CA10: variants seen among roughly 807,000 people sequenced by gnomAD.
CA10 encodes carbonic anhydrase 10 (inactive).
Under a neutral mutation model 44.2 loss-of-function variants are expected in CA10, and 14 were observed. The observed-to-expected ratio is 0.32, with a 90% confidence interval of 0.21 to 0.50. The LOEUF (loss-of-function observed/expected upper bound fraction) is 0.50, where lower values mean the gene tolerates loss of function less well. Among genes scored for constraint, CA10 ranks in the 20% least tolerant of loss-of-function variants. The pLI is 0.99. For synonymous variants in CA10, 159 were observed against 141.6 expected (o/e 1.12, Z -0.87); for missense variants, 350 against 409.7 (o/e 0.85, Z 1.26).
intron 3 of CA10, among the ~76,000 whole-genome samples, chr17:51,860,653 C>T (rs1484185986): frequency 6.6e-6 from 1 of 152,122 alleles, no homozygotes; most frequent in Non-Finnish European, 1.5e-5. Flanking sequence ...CAGAAACAGA[C>T]TTCTAATGAT....
At chr17:51,766,602 G>A (rs987010722) in intron 3 of CA10, among the ~76,000 whole-genome samples, 10 of 152,116 alleles carry the variant, frequency 6.6e-5, no homozygotes, top group African/African-American at 2.4e-4. Context: ...TATTTGCAGG[G>A]AAGTGGGGAG....
chr17:51,878,842 A>G (rs1433012442), intron 3 of CA10, among the ~76,000 whole-genome samples: 1 of 5,864 alleles, frequency 1.7e-4, no homozygotes, highest in African/African-American at 1.2e-3. Flanking sequence ...ATATATATAT[A>G]TATATATATA....
chr17:52,077,244 G>A (rs780316003), intron 1 of CA10, among the ~76,000 whole-genome samples: 23 of 152,174 alleles, frequency 1.5e-4, no homozygotes, highest in Non-Finnish European at 1.6e-4. Context: ...CATCGTTGGG[G>A]ATGAAGAAAG....
At chr17:51,752,875 C>T (rs368245464) in intron 3 of CA10, among the ~76,000 whole-genome samples, 69 of 152,048 alleles carry the variant, frequency 4.5e-4, no homozygotes, top group Middle Eastern at 3.4e-3. Context: ...GCTGAGATCG[C>T]GCCACTGCAC....
chr17:51,872,010 T>C (rs9894061), intron 3 of CA10, among the ~76,000 whole-genome samples: 3,535 of 152,312 alleles, frequency 0.023, 59 homozygotes, highest in Middle Eastern at 0.048. Flanking sequence ...CAGTGTCCTG[T>C]ACAAGATGGC....
At chr17:51,852,103 AC>A (rs771060561) in intron 3 of CA10, among the ~76,000 whole-genome samples, 3 of 152,162 alleles carry the variant, frequency 2.0e-5, no homozygotes, top group Non-Finnish European at 4.4e-5. Flanking sequence ...TCCACCCAGG[AC>A]CCAGCCAGCA....
chr17:51,976,348 T>C (rs1437229887), intron 2 of CA10, among the ~76,000 whole-genome samples: 8 of 152,180 alleles, frequency 5.3e-5, no homozygotes, highest in Non-Finnish European at 8.8e-5. Flanking sequence ...ATACATATTC[T>C]TTTCAAGATA....
At position 52,146,650 on chromosome 17, in the gene CA10, G is replaced by A. The variant is rs902997210; in HGVS notation, c.61+11076C>T. 2.0e-5 allele frequency among the ~76,000 whole-genome samples: 3 copies of A among 151,714 alleles called. 1 individual carries two copies. The highest frequency in any genetic ancestry group is 4.4e-5 in the Non-Finnish European group (3 of 67,976). Reference sequence around the variant, plus strand: ...GCTTGCAGTGAGCCGAGATCCCACCGACAGAGCGAGACTCCGTCTCAAAAT... The same window carrying A: ...GCTTGCAGTGAGCCGAGATCCCACCAACAGAGCGAGACTCCGTCTCAAAAT... On this transcript the variant is annotated intron_variant, in intron 1 of 8. Transcript: ENST00000451037.
chr17:51,850,850 A>G (rs1978762272), intron 3 of CA10, among the ~76,000 whole-genome samples: 2 of 152,192 alleles, frequency 1.3e-5, no homozygotes, highest in South Asian at 4.1e-4. Flanking sequence ...TGCAGTGATG[A>G]CAGGAATGAA....
At chr17:51,683,236 C>T (rs1914902820) in intron 4 of CA10, among the ~76,000 whole-genome samples, 1 of 152,196 alleles carries the variant, frequency 6.6e-6, no homozygotes, top group Non-Finnish European at 1.5e-5. Context: ...TAAAATTTGC[C>T]TCTGCTTTGC....
chr17:51,934,880 G>A (rs1982803319), intron 2 of CA10, among the ~76,000 whole-genome samples: 1 of 152,126 alleles, frequency 6.6e-6, no homozygotes, highest in South Asian at 2.1e-4. Flanking sequence ...ACCAGACTAG[G>A]TCTGCAAATG....
intron 3 of CA10, among the ~76,000 whole-genome samples, chr17:51,911,482 G>C (rs1184946101): frequency 6.6e-6 from 1 of 152,150 alleles, no homozygotes; most frequent in African/African-American, 2.4e-5. Flanking sequence ...TAGTTGACAT[G>C]TTATATGGAT....
intron 1 of CA10, among the ~76,000 whole-genome samples, chr17:52,097,521 A>G (rs1308544033): frequency 1.3e-5 from 2 of 152,128 alleles, no homozygotes; most frequent in Non-Finnish European, 2.9e-5. Context: ...ATTGAACCCA[A>G]ATCTGTATTG....
chr17:52,147,411 A>G (rs1343415155), intron 1 of CA10, among the ~76,000 whole-genome samples: 3 of 152,012 alleles, frequency 2.0e-5, no homozygotes, highest in Non-Finnish European at 4.4e-5. Flanking sequence ...AAGTTGTTCA[A>G]CTTGTCTTTG....
At chr17:52,100,641 T>C (rs1330237607) in intron 1 of CA10, among the ~76,000 whole-genome samples, 1 of 152,142 alleles carries the variant, frequency 6.6e-6, no homozygotes, top group Non-Finnish European at 1.5e-5. Context: ...CCTGTCTCAG[T>C]TCTCCCACAC....
At chr17:51,652,058 C>G (rs1365002541) in intron 5 of CA10, among the ~76,000 whole-genome samples, 6 of 152,102 alleles carry the variant, frequency 3.9e-5, no homozygotes, top group Non-Finnish European at 8.8e-5. Context: ...TCATGTACTC[C>G]CTTCTTGCCC....
chr17:51,725,625 C>T (rs1916489483), intron 4 of CA10, among the ~76,000 whole-genome samples: 1 of 152,198 alleles, frequency 6.6e-6, no homozygotes, highest in South Asian at 2.1e-4. Context: ...TTTGGTTTCT[C>T]TCTCCTTCTC....
chr17:51,880,957 C>T (rs549692982), intron 3 of CA10, among the ~76,000 whole-genome samples: 8 of 90 alleles, frequency 0.089, 1 homozygote, highest in South Asian at 0.57. Context: ...GTTTTATCGG[C>T]CGGGCGCGGG....
chr17:51,865,428 C>T (rs965405364), intron 3 of CA10, among the ~76,000 whole-genome samples: 2 of 152,160 alleles, frequency 1.3e-5, no homozygotes, highest in Non-Finnish European at 2.9e-5. Flanking sequence ...CCTCCTGCTG[C>T]CCAAATGTCT....
Sources: gnomAD v4.1 joint callset for allele counts (sites outside exome capture counted in the v4.1 genomes callset) on GRCh38, gnomAD v4.1.1 for gene constraint, MANE v1.5 for transcripts, NCBI Gene and HGNC (gene_info 2026-07-23, HGNC 2026-07-21) for gene names.